Variants in SCAPER observed in about 807,000 individuals in gnomAD.
SCAPER encodes the protein S-phase cyclin A associated protein in the ER.
In SCAPER, 98 loss-of-function variants were observed where a neutral mutation model predicts 182.2. That is an observed-to-expected ratio of 0.54 (90% confidence interval 0.46 to 0.64). The LOEUF is 0.64. SCAPER is among the 30% of genes least tolerant of loss of function. The pLI is 0.00. For missense variants in SCAPER, 1,432 were observed against 1,690.0 expected (o/e 0.85, Z 2.68); for synonymous variants, 605 against 564.6 (o/e 1.07, Z -1.01).
chr15:76,774,343 A>G (rs1156420356), intron 9 of SCAPER: 1 of 367,842 alleles, frequency 2.7e-6, no homozygotes, highest in Non-Finnish European at 5.2e-6. Context: ...AACTATATCC[A>G]ATGAAAGATA....
At chr15:76,848,651 C>T (rs2070394367) in intron 4 of SCAPER, among the ~76,000 whole-genome samples, 2 of 152,042 alleles carry the variant, frequency 1.3e-5, no homozygotes, top group Non-Finnish European at 2.9e-5. Context: ...TATGTCTACC[C>T]CTTCTGAGAT....
chr15:76,542,124 T>C (rs1239417731), intron 23 of SCAPER, among the ~76,000 whole-genome samples: 2 of 152,200 alleles, frequency 1.3e-5, no homozygotes, highest in Admixed American at 6.5e-5. Context: ...ATTTTAAAAC[T>C]AGACAAAACC....
At chr15:76,417,145 C>CAT (rs1387241982) in intron 26 of SCAPER, among the ~76,000 whole-genome samples, 2 of 151,784 alleles carry the variant, frequency 1.3e-5, no homozygotes, top group African/African-American at 4.8e-5. Flanking sequence ...AAAATAACTA[C>CAT]ATATATATAC....
At chr15:76,766,020 T>C (rs1485106318) in intron 11 of SCAPER, among the ~76,000 whole-genome samples, 1 of 152,132 alleles carries the variant, frequency 6.6e-6, no homozygotes, top group Non-Finnish European at 1.5e-5. Flanking sequence ...TTTAACAAAT[T>C]CCCATCATTA....
chr15:76,561,081 G>GT (rs1300331977), intron 23 of SCAPER, among the ~76,000 whole-genome samples: 2 of 152,118 alleles, frequency 1.3e-5, no homozygotes, highest in East Asian at 1.9e-4. Context: ...GTTAAAAACA[G>GT]TAAGTATTTA....
At chr15:76,638,429 C>T (rs2053827681) in intron 21 of SCAPER, among the ~76,000 whole-genome samples, 2 of 152,096 alleles carry the variant, frequency 1.3e-5, no homozygotes, top group South Asian at 4.1e-4. Context: ...CAGACACATT[C>T]TGTCTTGTCT....
intron 23 of SCAPER, among the ~76,000 whole-genome samples, chr15:76,566,172 A>G (rs1000478218): frequency 6.6e-6 from 1 of 152,168 alleles, no homozygotes. Context: ...CATAGTCACA[A>G]CAGTTGGCAA....
intron 27 of SCAPER, among the ~76,000 whole-genome samples, chr15:76,397,777 A>G (rs1029190552): frequency 6.6e-6 from 1 of 152,104 alleles, no homozygotes; most frequent in African/African-American, 2.4e-5. Context: ...GCGCCCGGTC[A>G]GGAGACTTTT....
chr15:76,735,045 G>T (rs2061161684), intron 15 of SCAPER, among the ~76,000 whole-genome samples: 2 of 152,192 alleles, frequency 1.3e-5, no homozygotes, highest in Middle Eastern at 6.8e-3. Flanking sequence ...GCAAAAGTCA[G>T]ATTAAACAAC....
intron 1 of SCAPER, among the ~76,000 whole-genome samples, chr15:76,885,074 A>G (rs2073769664): frequency 6.6e-6 from 1 of 152,224 alleles, no homozygotes. Flanking sequence ...GGGGTGATGA[A>G]AATGTTCTAA....
At chr15:76,679,630 A>G (rs574894458) in intron 20 of SCAPER, among the ~76,000 whole-genome samples, 5 of 152,318 alleles carry the variant, frequency 3.3e-5, no homozygotes, top group South Asian at 2.1e-4. Context: ...AGATGAGAAA[A>G]ATAAAGCTAA....
Position 76,473,246 on chromosome 15 carries a change from T to C in SCAPER, c.2955-1911A>G, listed in dbSNP as rs554813834. 3.5e-4 allele frequency among the ~76,000 whole-genome samples: 53 copies of C among 152,360 alleles called. 2 individuals are homozygous for C. The South Asian group carries it at 9.5e-3, about 27-fold the overall frequency. On this transcript the variant is annotated intron_variant, in intron 24 of 31. Coordinates refer to ENST00000563290, the MANE Select transcript of SCAPER (RefSeq NM_020843.4). Reference sequence around the variant, plus strand: ...TTTTATAGTGGCTTTCCGATTTTGCTAGTCCATTGAAGAAGGGAGTTTGAA... The same window carrying C: ...TTTTATAGTGGCTTTCCGATTTTGCCAGTCCATTGAAGAAGGGAGTTTGAA...
chr15:76,376,107 C>A, intron 29 of SCAPER, 55 bp downstream of exon 29: 2 of 1,599,700 alleles, frequency 1.3e-6, no homozygotes, highest in Non-Finnish European at 1.7e-6. Flanking sequence ...CATTCCAATA[C>A]CTCACACTCT....
intron 19 of SCAPER, among the ~76,000 whole-genome samples, chr15:76,702,531 T>C (rs993919841): frequency 2.2e-4 from 33 of 152,094 alleles, no homozygotes; most frequent in African/African-American, 7.7e-4. Flanking sequence ...CACTGCAACC[T>C]CCACCTCCTG....
intron 23 of SCAPER, among the ~76,000 whole-genome samples, chr15:76,519,915 C>T (rs2042710112): frequency 1.3e-5 from 2 of 152,176 alleles, no homozygotes; most frequent in South Asian, 4.1e-4. Context: ...TCATTCAATG[C>T]TAAGTGATAC....
rs557794727 is a variant in SCAPER at position 76,429,056 on chromosome 15, A to G, written c.3311+5022T>C. 2.4e-4 allele frequency among the ~76,000 whole-genome samples: 37 copies of G among 151,512 alleles called. No individual in the cohort carries two copies. In the East Asian group the frequency reaches 6.8e-3, roughly 28 times the overall value. Reference sequence around the variant, plus strand: ...TTCCCGTGCTGTTCTCATGATAGAGAATAAGTCTCACGAGATCTGGTGGCT... The same window carrying G: ...TTCCCGTGCTGTTCTCATGATAGAGGATAAGTCTCACGAGATCTGGTGGCT... On this transcript the variant is annotated intron_variant, in intron 26 of 31. Transcript: ENST00000563290.
intron 5 of SCAPER, among the ~76,000 whole-genome samples, chr15:76,820,000 A>G (rs1287605991): frequency 6.6e-6 from 1 of 152,250 alleles, no homozygotes; most frequent in Non-Finnish European, 1.5e-5. Flanking sequence ...GCTCATCATC[A>G]CTGGACATCA....
chr15:76,468,427 G>C (rs1398012717), intron 25 of SCAPER, among the ~76,000 whole-genome samples: 1 of 152,124 alleles, frequency 6.6e-6, no homozygotes, highest in Admixed American at 6.6e-5. Context: ...AATCCATTGA[G>C]AGATTAAAAG....
At chr15:76,666,515 C>T (rs1230619695) in intron 20 of SCAPER, among the ~76,000 whole-genome samples, 1 of 152,116 alleles carries the variant, frequency 6.6e-6, no homozygotes, top group Non-Finnish European at 1.5e-5. Context: ...TGGCAAAATC[C>T]CAATCCTAAA....
Sources: allele counts gnomAD v4.1 joint callset (sites outside exome capture counted in the v4.1 genomes callset), GRCh38; gene constraint gnomAD v4.1.1; transcripts MANE v1.5; gene names NCBI Gene and HGNC (gene_info 2026-07-23, HGNC 2026-07-21).